The following PPP1R12B variants were observed in gnomAD, a reference collection of about 807,000 sequenced individuals.
PPP1R12B encodes protein phosphatase 1 regulatory subunit 12B, also known as myosin phosphatase target subunit 2.
Under a neutral mutation model 126.1 loss-of-function variants are expected in PPP1R12B, and 76 were observed. The observed-to-expected ratio is 0.60, with a 90% CI of 0.50 to 0.73. The LOEUF (loss-of-function observed/expected upper bound fraction) is 0.73, where lower values mean the gene tolerates loss of function less well. Among genes scored for constraint, PPP1R12B ranks in the 30% least tolerant of loss-of-function variants. PPP1R12B has a pLI of 0.00. For missense variants in PPP1R12B, 1,052 were observed against 1,205.1 expected, an observed-to-expected ratio of 0.87 and a Z score of 1.88; for synonymous variants, 356 against 434.7, an observed-to-expected ratio of 0.82 and a Z score of 2.25.
intron 13 of PPP1R12B, among the ~76,000 whole-genome samples, chr1:202,455,189 T>G (rs922182353): frequency 4.8e-5 from 6 of 125,152 alleles, no homozygotes; most frequent in African/African-American, 7.5e-5. Context: ...GTAGGAGCTA[T>G]ATACATATAT....
Position 202,588,873 on chromosome 1 carries a change from A to AGATAGATG in PPP1R12B, c.*8313_*8314insGATAGATG, listed in dbSNP as rs1553332024. On this transcript the variant is annotated 3_prime_UTR_variant, in exon 24 of 24. Transcript: ENST00000608999. ...TAGATAGATAGATAGATAGATAGATATCAAGGTTCCAAGCTTCAAGTAACC... is the reference window on the plus strand; with the variant it reads ...TAGATAGATAGATAGATAGATAGATAGATAGATGTCAAGGTTCCAAGCTTCAAGTAACC... The AGATAGATG allele has an allele frequency of 2.6e-5, 3 of 116,368 alleles. No individual in the cohort carries two copies. The highest frequency in any genetic ancestry group is 5.0e-5 in the Non-Finnish European group (3 of 60,336). 7.2% of individuals were successfully genotyped at this position (116,368 alleles called of 1,614,324 possible).
intron 18 of PPP1R12B, among the ~76,000 whole-genome samples, chr1:202,533,222 A>T (rs1296544379): frequency 1.3e-5 from 2 of 152,116 alleles, no homozygotes; most frequent in Non-Finnish European, 2.9e-5. Flanking sequence ...CAGGATCACT[A>T]TACCCAATTT....
chr1:202,445,805 T>C (rs1287933922), intron 12 of PPP1R12B, among the ~76,000 whole-genome samples: 3 of 152,218 alleles, frequency 2.0e-5, no homozygotes, highest in Non-Finnish European at 1.5e-5. Context: ...ATCTAAGGGA[T>C]AGCATGGTAG....
chr1:202,488,667 T>G, intron 14 of PPP1R12B, 44 bp downstream of exon 14: 2 of 1,461,340 alleles, frequency 1.4e-6, no homozygotes, highest in Non-Finnish European at 1.9e-6. Context: ...GTATCTACCC[T>G]TCTGTTGGAG....
chr1:202,443,263 TCTG>T (rs1300929730), intron 12 of PPP1R12B: 1 of 276,924 alleles, frequency 3.6e-6, no homozygotes, highest in Non-Finnish European at 5.5e-6. Flanking sequence ...TAATTTGAAC[TCTG>T]CTGCTAATGT....
chr1:202,554,204 GAAGTATGATCTAAAAACCA>G lies in PPP1R12B; in HGVS notation c.2491-4669_2491-4651del, dbSNP rs1176506523. ...TATTCCACCAATGAAAATTAGTTAGGAAGTATGATCTAAAAACCAAAGCCATTTTATCAGAATTGGGGGA... is the reference window on the plus strand; with the variant it reads ...TATTCCACCAATGAAAATTAGTTAGGAAGCCATTTTATCAGAATTGGGGGA... On this transcript the variant is annotated intron_variant, in intron 18 of 23. Transcript: ENST00000608999. Among the ~76,000 whole-genome samples the G allele has an allele frequency of 9.9e-5, 15 of 152,196 alleles. No individual in the cohort carries two copies. In the East Asian group the frequency reaches 2.9e-3, roughly 29 times the overall value.
intron 1 of PPP1R12B, among the ~76,000 whole-genome samples, chr1:202,398,083 A>G (rs1665263716): frequency 6.6e-6 from 1 of 151,970 alleles, no homozygotes; most frequent in African/African-American, 2.4e-5. Flanking sequence ...GCTAAAAAGT[A>G]TTTTCTATAT....
At position 202,434,674 on chromosome 1, in the gene PPP1R12B, T is replaced by G; in HGVS notation, c.1160T>G (p.Phe387Cys). ...ATAACAGATAAAAAGCCAGAAGCCTTTGTCAATCATTCCAACTCTGAAAGC... is the reference window on the plus strand; with the variant it reads ...ATAACAGATAAAAAGCCAGAAGCCTGTGTCAATCATTCCAACTCTGAAAGC... ...EKEADKKPEA[F>C]VNHSNSESKS... The change falls in exon 9 of 24, where the codon TTT (phenylalanine) becomes TGT (cysteine). Residue 387 changes from phenylalanine (F) to cysteine (C), a missense_variant. Coordinates refer to ENST00000608999, the MANE Select transcript of PPP1R12B (RefSeq NM_002481.4). 2.5e-6 allele frequency: 4 copies of G among 1,612,250 alleles called. No individual in the cohort carries two copies. Among genetic ancestry groups the G allele is most frequent in the Non-Finnish European group, 3.4e-6 (4 of 1,179,546 alleles).
At chr1:202,542,953 C>T (rs1685271316) in intron 18 of PPP1R12B, among the ~76,000 whole-genome samples, 1 of 152,142 alleles carries the variant, frequency 6.6e-6, no homozygotes, top group Non-Finnish European at 1.5e-5. Flanking sequence ...ATCCAACATT[C>T]TTCAAAACGG....
chr1:202,366,024 A>G (rs1659167067), intron 1 of PPP1R12B, among the ~76,000 whole-genome samples: 1 of 151,904 alleles, frequency 6.6e-6, no homozygotes, highest in Admixed American at 6.6e-5. Flanking sequence ...AACCTCTTAG[A>G]GACATAGTTT....
intron 1 of PPP1R12B, among the ~76,000 whole-genome samples, chr1:202,378,060 G>T (rs990662798): frequency 6.6e-6 from 1 of 151,374 alleles, no homozygotes; most frequent in African/African-American, 2.4e-5. Context: ...GGATGATCTC[G>T]ATCTCCTGAC....
intron 13 of PPP1R12B, among the ~76,000 whole-genome samples, chr1:202,467,471 G>A (rs558863037): frequency 6.1e-4 from 92 of 151,882 alleles, no homozygotes; most frequent in South Asian, 2.7e-3. Flanking sequence ...GAGAACATGC[G>A]GTGTTTGGTT....
intron 13 of PPP1R12B, among the ~76,000 whole-genome samples, chr1:202,462,291 T>A (rs1674405533): frequency 6.6e-6 from 1 of 152,164 alleles, no homozygotes; most frequent in Admixed American, 6.5e-5. Flanking sequence ...GAGCCTTGAA[T>A]AAAAGAGTCT....
At chr1:202,384,933 T>G (rs1662890419) in intron 1 of PPP1R12B, among the ~76,000 whole-genome samples, 1 of 152,240 alleles carries the variant, frequency 6.6e-6, no homozygotes, top group Non-Finnish European at 1.5e-5. Context: ...ACATTTCCAC[T>G]TACAATTGCT....
chr1:202,420,079 A>G (rs927153811), intron 2 of PPP1R12B, among the ~76,000 whole-genome samples: 5 of 152,232 alleles, frequency 3.3e-5, no homozygotes, highest in Admixed American at 1.3e-4. Context: ...CTTTTTATCT[A>G]TAGCTATCTG....
At chr1:202,502,531 C>G (rs553216580) in intron 18 of PPP1R12B, 4 of 902,740 alleles carry the variant, frequency 4.4e-6, no homozygotes, top group Middle Eastern at 5.7e-4. Flanking sequence ...CGATTATGAT[C>G]AAGCACTTTT....
chr1:202,372,487 G>A (rs1177345806), intron 1 of PPP1R12B, among the ~76,000 whole-genome samples: 1 of 151,932 alleles, frequency 6.6e-6, no homozygotes, highest in Non-Finnish European at 1.5e-5. Context: ...GGGTGACAGA[G>A]TGAGACCCTG....
intron 18 of PPP1R12B, among the ~76,000 whole-genome samples, chr1:202,533,431 C>T (rs576585954): frequency 5.9e-5 from 9 of 152,216 alleles, no homozygotes; most frequent in Non-Finnish European, 1.3e-4. Flanking sequence ...GCTGGGACTA[C>T]GGTGGGCACC....
At position 202,580,726 on chromosome 1, in the gene PPP1R12B, C is replaced by T; in HGVS notation, c.*166C>T. 1.7e-6 allele frequency: 1 copy of T among 593,414 alleles called. No homozygotes were observed. Among genetic ancestry groups the T allele is most frequent in the Non-Finnish European group, 3.1e-6 (1 of 327,574 alleles). The allele number at this position is 593,414 out of a possible 1,614,324, so 36.8% of individuals were successfully genotyped here. A position where few individuals can be genotyped will look rare whatever the true frequency, so the allele number is the denominator to read the frequency against. On this transcript the variant is annotated 3_prime_UTR_variant, in exon 24 of 24. Transcript: ENST00000608999. ...CTATACACTCTACATTTTCTCTGCACTTTCAATGCCCTGTTCTTCCAAACC... is the reference window on the plus strand; with the variant it reads ...CTATACACTCTACATTTTCTCTGCATTTTCAATGCCCTGTTCTTCCAAACC...
Sources: gnomAD v4.1 joint callset for allele counts (sites outside exome capture counted in the v4.1 genomes callset) on GRCh38, gnomAD v4.1.1 for gene constraint, MANE v1.5 for transcripts, NCBI Gene and HGNC (gene_info 2026-07-23, HGNC 2026-07-21) for gene names.